Variants in LSM14A observed in about 807,000 individuals in gnomAD.
LSM14A encodes the protein LSM14A mRNA processing body assembly factor, also known as protein LSM14 homolog A.
A neutral mutation model predicts 52.4 loss-of-function variants in LSM14A; 14 were observed. The observed-to-expected ratio is 0.27, with a 90% confidence interval of 0.18 to 0.42. LSM14A has a LOEUF of 0.42. Ranked by LOEUF, LSM14A falls within the 10% of genes least tolerant of loss-of-function variation. The pLI is 1.00. For synonymous variants in LSM14A, 185 were observed against 200.3 expected, an observed-to-expected ratio of 0.92 and a Z score of 0.64; for missense variants, 417 against 581.8, an observed-to-expected ratio of 0.72 and a Z score of 2.91.
intron 3 of LSM14A, among the ~76,000 whole-genome samples, chr19:34,203,728 A>G (rs1197682135): frequency 6.6e-6 from 1 of 151,504 alleles, no homozygotes; most frequent in African/African-American, 2.4e-5. Flanking sequence ...CCTGGAACCC[A>G]GGAGATGAAG....
chr19:34,211,317 T>TAGTC (rs2072133492), intron 4 of LSM14A, among the ~76,000 whole-genome samples: 1 of 151,610 alleles, frequency 6.6e-6, no homozygotes, highest in African/African-American at 2.4e-5. Flanking sequence ...AAAAATTTAA[T>TAGTC]AGTCCTAAAG....
chr19:34,213,523 C>T lies in LSM14A; in HGVS notation c.539-1601C>T, dbSNP rs149554774. On this transcript the variant is annotated intron_variant, in intron 4 of 9. Transcript: ENST00000544216. ...GTTGTTTGACACCTGCAAATATGCA[C>T]AGATGGACAGTAACATTTGCAGCAT... Among the ~76,000 whole-genome samples the T allele has an allele frequency of 3.2e-3, 487 of 152,286 alleles. 2 individuals carry two copies. The highest frequency in any genetic ancestry group is 0.011 in the African/African-American group (446 of 41,538).
At chr19:34,189,051 G>T (rs901675430) in intron 1 of LSM14A, among the ~76,000 whole-genome samples, 1 of 152,154 alleles carries the variant, frequency 6.6e-6, no homozygotes, top group Non-Finnish European at 1.5e-5. Context: ...TAGCCCACTT[G>T]CTGGACTGTA....
intron 1 of LSM14A, among the ~76,000 whole-genome samples, chr19:34,175,107 C>A (rs1400974673): frequency 6.6e-6 from 1 of 151,808 alleles, no homozygotes; most frequent in Non-Finnish European, 1.5e-5. Flanking sequence ...TAAATTTGTT[C>A]TTTGTGTCAT....
chr19:34,213,674 G>C (rs1201172691), intron 4 of LSM14A, among the ~76,000 whole-genome samples: 2 of 152,224 alleles, frequency 1.3e-5, no homozygotes, highest in Non-Finnish European at 2.9e-5. Flanking sequence ...CAGAAAGCAT[G>C]ATGGGAGCAC....
At chr19:34,217,102 T>C (rs2072665932) in intron 6 of LSM14A, among the ~76,000 whole-genome samples, 1 of 151,766 alleles carries the variant, frequency 6.6e-6, no homozygotes. Context: ...CTACTAAAAA[T>C]AGAAAAATTA....
rs557718656 is a variant in LSM14A at position 34,203,573 on chromosome 19, G to A, written c.416-5356G>A. Among the ~76,000 whole-genome samples, 82 of 152,266 alleles carry A rather than the reference G, an allele frequency of 5.4e-4. 1 individual carries two copies. Among genetic ancestry groups the A allele is most frequent in the African/African-American group, 2.0e-3 (81 of 41,518 alleles). On this transcript the variant is annotated intron_variant, in intron 3 of 9. Coordinates refer to ENST00000544216, the MANE Select transcript of LSM14A (RefSeq NM_015578.4). ...CCAGCACTTTGGGAGGCTGAGACGA[G>A]TGAATCATTTGAGGTCAGGAGTTCA...
intron 1 of LSM14A, among the ~76,000 whole-genome samples, chr19:34,177,991 T>C (rs1423608914): frequency 1.3e-5 from 2 of 151,840 alleles, no homozygotes; most frequent in South Asian, 2.1e-4. Context: ...CGAAACCCCG[T>C]CTCTACTAAA....
chr19:34,207,385 G>T (rs1308185610), intron 3 of LSM14A, among the ~76,000 whole-genome samples: 2 of 152,098 alleles, frequency 1.3e-5, no homozygotes, highest in Non-Finnish European at 2.9e-5. Flanking sequence ...TCTTGAAAGC[G>T]CTAGTCCCCA....
chr19:34,226,605 GT>G, intron 9 of LSM14A: 1 of 684,952 alleles, frequency 1.5e-6, no homozygotes, highest in South Asian at 2.3e-5. Flanking sequence ...TTTTGGTGTT[GT>G]ATACACAGAT....
intron 2 of LSM14A, among the ~76,000 whole-genome samples, chr19:34,195,055 G>C (rs553507437): frequency 5.1e-4 from 78 of 152,038 alleles, no homozygotes; most frequent in Non-Finnish European, 1.0e-3. Context: ...ATGCTATTGA[G>C]ATATGGTTTA....
At chr19:34,217,961 A>C (rs2072776403) in intron 6 of LSM14A, among the ~76,000 whole-genome samples, 1 of 140,008 alleles carries the variant, frequency 7.1e-6, no homozygotes, top group African/African-American at 2.6e-5. Context: ...TTTTTTGTAG[A>C]TTTTACAGAC....
chr19:34,174,213 T>G (rs1173715684), intron 1 of LSM14A, among the ~76,000 whole-genome samples: 1 of 152,208 alleles, frequency 6.6e-6, no homozygotes, highest in Non-Finnish European at 1.5e-5. Flanking sequence ...CCACCCAAAG[T>G]GCTGGGATTA....
chr19:34,226,286 C>A, intron 9 of LSM14A: 1 of 1,020,878 alleles, frequency 9.8e-7, no homozygotes, highest in Non-Finnish European at 1.4e-6. Context: ...TCAAAGACAA[C>A]AAGGTGTCTG....
At chr19:34,215,756 CG>C (rs2072534414) in intron 6 of LSM14A, 95 bp downstream of exon 6, 5 of 902,300 alleles carry the variant, frequency 5.5e-6, no homozygotes, top group Non-Finnish European at 8.6e-6. Context: ...AAATGAAAGG[CG>C]GGGGTTGTGA....
chr19:34,222,150 C>A (rs757407171), intron 9 of LSM14A, among the ~76,000 whole-genome samples: 1 of 151,838 alleles, frequency 6.6e-6, no homozygotes. Flanking sequence ...TATTATTATC[C>A]CCATTTTACA....
chr19:34,206,667 C>A (rs1340104944), intron 3 of LSM14A, among the ~76,000 whole-genome samples: 5 of 152,048 alleles, frequency 3.3e-5, no homozygotes, highest in Non-Finnish European at 7.4e-5. Context: ...GAGCAAGACT[C>A]CATCTCAAAA....
rs2145926395 is a variant in LSM14A, at chr19:34,228,788, A to G, written c.*1400A>G. The stretch of plus-strand genomic sequence containing the variant: ...AAACATTCAGTAGTGATAAAGATAT[A>G]GAAACTGCACTGTAGGAGAATTGGA... On this transcript the variant is annotated 3_prime_UTR_variant, in exon 10 of 10. Transcript: ENST00000544216. 1 of 152,780 alleles carries G rather than the reference A, an allele frequency of 6.5e-6. No individual in the cohort carries two copies. The highest frequency in any genetic ancestry group is 1.9e-4 in the East Asian group (1 of 5,190). 9.5% of individuals were successfully genotyped at this position (152,780 alleles called of 1,614,324 possible).
chr19:34,196,586 A>G (rs1013585855), intron 2 of LSM14A, 48 bp from the exon 3 acceptor site: 3 of 1,535,682 alleles, frequency 2.0e-6, no homozygotes, highest in South Asian at 1.3e-5. Context: ...TTTTCGTTAT[A>G]TACATGTTGC....
Sources: allele counts gnomAD v4.1 joint callset (sites outside exome capture counted in the v4.1 genomes callset), GRCh38; gene constraint gnomAD v4.1.1; transcripts MANE v1.5; gene names NCBI Gene and HGNC (gene_info 2026-07-23, HGNC 2026-07-21).